Variants in EYS observed in about 807,000 individuals in gnomAD.
EYS encodes EGF-like photoreceptor maintenance factor, also known as protein eyes shut homolog.
EYS carries 250 observed loss-of-function variants against 282.1 expected under a neutral mutation model. The ratio of observed to expected loss-of-function variants is 0.89; its 90% CI spans 0.80 to 0.98. The LOEUF (loss-of-function observed/expected upper bound fraction) is 0.98, where lower values mean the gene tolerates loss of function less well. Ranked by LOEUF, EYS falls within the 50% of genes least tolerant of loss-of-function variation. The pLI, the probability that EYS is intolerant of heterozygous loss-of-function variation, is 0.00. For missense variants in EYS, 4,016 were observed against 3,709.0 expected (o/e 1.08, Z -2.15); for synonymous variants, 1,355 against 1,282.9 (o/e 1.06, Z -1.20).
chr6:65,536,034 A>ATT (rs1326277649), intron 2 of EYS, among the ~76,000 whole-genome samples: 8 of 152,164 alleles, frequency 5.3e-5, no homozygotes, highest in African/African-American at 1.9e-4. Context: ...ATCATGGAAG[A>ATT]AATTTAAATG....
At chr6:64,395,581 A>G (rs1235837158) in intron 28 of EYS, among the ~76,000 whole-genome samples, 2 of 146,710 alleles carry the variant, frequency 1.4e-5, no homozygotes. Flanking sequence ...GAATTGAACA[A>G]TGAGATCACA....
At chr6:65,130,990 A>G (rs1160887333) in intron 12 of EYS, among the ~76,000 whole-genome samples, 1 of 151,584 alleles carries the variant, frequency 6.6e-6, no homozygotes, top group Non-Finnish European at 1.5e-5. Context: ...ATAAATGATG[A>G]AAGACAAATT....
At chr6:65,284,368 T>TC (rs994675343) in intron 12 of EYS, among the ~76,000 whole-genome samples, 6 of 152,192 alleles carry the variant, frequency 3.9e-5, no homozygotes, top group Non-Finnish European at 8.8e-5. Flanking sequence ...AAAAAGCTAC[T>TC]ACTTTTTTTT....
intron 22 of EYS, among the ~76,000 whole-genome samples, chr6:64,663,415 G>C (rs1457145467): frequency 6.6e-6 from 1 of 152,148 alleles, no homozygotes; most frequent in Non-Finnish European, 1.5e-5. Context: ...GGTCATGGTA[G>C]ACTAACTTAT....
chr6:65,447,922 C>A (rs1216914957), intron 5 of EYS, among the ~76,000 whole-genome samples: 1 of 151,920 alleles, frequency 6.6e-6, no homozygotes, highest in Non-Finnish European at 1.5e-5. Context: ...TGTACAAAGA[C>A]CCAGGTTAAA....
intron 13 of EYS, among the ~76,000 whole-genome samples, chr6:65,042,411 C>T (rs74854767): frequency 0.025 from 3,847 of 151,032 alleles, 124 homozygotes; most frequent in East Asian, 0.15. Flanking sequence ...GTAATTTGGC[C>T]TATTGTTTTT....
intron 14 of EYS, among the ~76,000 whole-genome samples, chr6:64,951,893 G>A (rs1769524649): frequency 2.0e-5 from 3 of 151,808 alleles, no homozygotes; most frequent in South Asian, 4.1e-4. Context: ...GAGAAATTGG[G>A]CAAGAACAAT....
At chr6:64,809,187 T>G (rs796976846) in intron 22 of EYS, among the ~76,000 whole-genome samples, 5 of 152,092 alleles carry the variant, frequency 3.3e-5, no homozygotes, top group African/African-American at 9.7e-5. Flanking sequence ...CGAAGATCAA[T>G]AAAGCCGGGA....
At chr6:64,560,615 C>T (rs1331003756) in intron 26 of EYS, among the ~76,000 whole-genome samples, 4 of 152,052 alleles carry the variant, frequency 2.6e-5, no homozygotes, top group African/African-American at 9.7e-5. Context: ...AAGGTCAGCG[C>T]TCTGAAATAC....
chr6:65,035,996 G>T (rs1467360810), intron 13 of EYS, among the ~76,000 whole-genome samples: 1 of 148,524 alleles, frequency 6.7e-6, no homozygotes, highest in African/African-American at 2.5e-5. Context: ...TAATTTATAT[G>T]GAACCAAAAA....
At chr6:65,692,057 T>C (rs1769262618) in intron 1 of EYS, among the ~76,000 whole-genome samples, 1 of 150,170 alleles carries the variant, frequency 6.7e-6, no homozygotes, top group African/African-American at 2.4e-5. Context: ...TAAAGAAAAT[T>C]TGTACACATA....
At chr6:65,471,779 A>C (rs962441627) in intron 5 of EYS, among the ~76,000 whole-genome samples, 11 of 152,138 alleles carry the variant, frequency 7.2e-5, no homozygotes, top group Non-Finnish European at 2.9e-5. Flanking sequence ...AATTACCATT[A>C]CTATTCTATT....
intron 29 of EYS, among the ~76,000 whole-genome samples, chr6:64,373,379 C>T (rs930459575): frequency 6.6e-6 from 1 of 152,154 alleles, no homozygotes; most frequent in Non-Finnish European, 1.5e-5. Context: ...TTTGTTCTGG[C>T]CCACAAGGAT....
At chr6:64,441,849 A>C (rs1376401461) in intron 26 of EYS, among the ~76,000 whole-genome samples, 2 of 152,214 alleles carry the variant, frequency 1.3e-5, no homozygotes, top group East Asian at 3.9e-4. Flanking sequence ...TGGAACTGTA[A>C]GTCCAATAAA....
At chr6:63,969,137 T>C (rs1766438195) in intron 35 of EYS, among the ~76,000 whole-genome samples, 1 of 152,228 alleles carries the variant, frequency 6.6e-6, no homozygotes, top group Admixed American at 6.5e-5. Context: ...CATATTGTGG[T>C]ATCCTCATCC....
chr6:65,228,074 A>T (rs1457529319), intron 12 of EYS, among the ~76,000 whole-genome samples: 2 of 152,086 alleles, frequency 1.3e-5, no homozygotes, highest in Admixed American at 1.3e-4. Flanking sequence ...GTTAAGTTTG[A>T]TGTTACATAT....
rs571444469 is a variant in EYS at position 64,129,740 on chromosome 6, T to C, written c.6425-47738A>G. 5.9e-5 allele frequency among the ~76,000 whole-genome samples: 9 copies of C among 152,292 alleles called. No homozygotes were observed. The South Asian group carries it at 1.9e-3, about 32-fold the overall frequency. On this transcript the variant is annotated intron_variant, in intron 31 of 42. Coordinates refer to ENST00000503581, the MANE Select transcript of EYS (RefSeq NM_001142800.2). ...TCCTGAATGGTATTGCCTAGGTTTTTTTCTAGGGGTTTTATGGTTTTAGGT... is the reference window on the plus strand; with the variant it reads ...TCCTGAATGGTATTGCCTAGGTTTTCTTCTAGGGGTTTTATGGTTTTAGGT...
rs1447482016 is a variant in EYS at position 64,563,891 on chromosome 6, A to G, written c.5644+26332T>C. 2.0e-5 allele frequency among the ~76,000 whole-genome samples: 3 copies of G among 151,974 alleles called. No individual in the cohort carries two copies. The East Asian group carries it at 5.8e-4, about 29-fold the overall frequency. ...GCTTAGAAAACCAAAAATATCTACC[A>G]GTTTTTATTTTTAAAATTTATAATT... On this transcript the variant is annotated intron_variant, in intron 26 of 42. Transcript: ENST00000503581.
rs192907144 is a variant in EYS at position 64,505,788 on chromosome 6, C to A, written c.5645-66436G>T. Among the ~76,000 whole-genome samples, 5 of 152,272 alleles carry A rather than the reference C, an allele frequency of 3.3e-5. No individual in the cohort carries two copies. The East Asian group carries it at 9.6e-4, about 29-fold the overall frequency. Reference sequence around the variant, plus strand: ...TAATCTATGGACAATTCAGTCTGCACCATGAACTATAATCACATAAAAACT... The same window carrying A: ...TAATCTATGGACAATTCAGTCTGCAACATGAACTATAATCACATAAAAACT... On this transcript the variant is annotated intron_variant, in intron 26 of 42. Coordinates refer to ENST00000503581, the MANE Select transcript of EYS (RefSeq NM_001142800.2).
Sources: allele counts gnomAD v4.1 joint callset (sites outside exome capture counted in the v4.1 genomes callset), GRCh38; gene constraint gnomAD v4.1.1; transcripts MANE v1.5; gene names NCBI Gene and HGNC (gene_info 2026-07-23, HGNC 2026-07-21).